The following RTL9 variants were observed in gnomAD, a reference collection of about 807,000 sequenced individuals.
The protein encoded by RTL9 is retrotransposon Gag like 9, also known as retrotransposon Gag-like protein 9.
RTL9 carries 19 observed loss-of-function variants against 44.7 expected under a neutral mutation model. That is an observed-to-expected ratio of 0.42 (90% confidence interval 0.30 to 0.62). The LOEUF (loss-of-function observed/expected upper bound fraction) is 0.62, where lower values mean the gene tolerates loss of function less well. Among genes scored for constraint, RTL9 ranks in the 20% least tolerant of loss-of-function variants. The pLI is 0.16. For missense variants in RTL9, 1,105 were observed against 1,080.6 expected (o/e 1.02, Z -0.32); for synonymous variants, 407 against 398.9 (o/e 1.02, Z -0.24).
In RTL9 at chrX:110,451,781, G is replaced by A. The variant is rs374873915; in HGVS notation, c.1164G>A (p.Pro388=). The A allele has an allele frequency of 3.8e-5, 46 of 1,209,679 alleles. No homozygotes were observed. In the South Asian group the frequency reaches 4.1e-4, roughly 11 times the overall value. The change falls in exon 1 of 2, where the codon CCG becomes CCA. Residue 388 remains proline, a synonymous_variant. Transcript: ENST00000540313. ...TAGACTCTGAAATGATGTCTAATCCGCCAGTGAGAGCAACAGCCTCTGGGG... is the reference window on the plus strand; with the variant it reads ...TAGACTCTGAAATGATGTCTAATCCACCAGTGAGAGCAACAGCCTCTGGGG...
chrX:110,443,101 C>A (rs895494088), intron 1 of RTL9, among the ~76,000 whole-genome samples: 3 of 111,997 alleles, frequency 2.7e-5, no homozygotes, highest in African/African-American at 9.8e-5. Context: ...GTGCCAGATT[C>A]TTTACACGTT....
chrX:110,385,524 T>A (rs1357673875), intron 1 of RTL9, among the ~76,000 whole-genome samples: 1 of 111,274 alleles, frequency 9.0e-6, no homozygotes, highest in African/African-American at 3.3e-5. Context: ...AAGCTCCCTC[T>A]CCCCCTTCCC....
chrX:110,388,146 C>T (rs1178137530), intron 1 of RTL9, among the ~76,000 whole-genome samples: 9 of 111,652 alleles, frequency 8.1e-5, no homozygotes. Flanking sequence ...GGATTACAGG[C>T]GTGAGCCACC....
At chrX:110,383,480 T>A (rs921931055) in intron 1 of RTL9, among the ~76,000 whole-genome samples, 2 of 111,299 alleles carry the variant, frequency 1.8e-5, no homozygotes, top group South Asian at 7.6e-4. Flanking sequence ...AGGTCCTCAC[T>A]TTCTTATTAC....
chrX:110,434,308 G>A (rs1255493358), intron 1 of RTL9, among the ~76,000 whole-genome samples: 1 of 111,525 alleles, frequency 9.0e-6, no homozygotes, highest in African/African-American at 3.3e-5. Flanking sequence ...AGCCACTGGA[G>A]CTTTTTATTA....
chrX:110,448,204 C>T (rs2068919070), upstream of RTL9, among the ~76,000 whole-genome samples: 1 of 110,854 alleles, frequency 9.0e-6, no homozygotes, highest in African/African-American at 3.3e-5. Context: ...TGTTTGCTTG[C>T]CAGCCCCCAC....
intron 1 of RTL9, among the ~76,000 whole-genome samples, chrX:110,380,876 G>A (rs1354422168): frequency 8.9e-6 from 1 of 112,394 alleles, no homozygotes; most frequent in Non-Finnish European, 1.9e-5. Flanking sequence ...ATGGTGCTGG[G>A]ATAACTGGCA....
At chrX:110,435,562 T>C (rs966119080) in intron 1 of RTL9, among the ~76,000 whole-genome samples, 4 of 112,037 alleles carry the variant, frequency 3.6e-5, no homozygotes, top group African/African-American at 6.5e-5. Context: ...ATGAGAGTTT[T>C]AGTTACATTC....
In RTL9 at chrX:110,372,289, A is replaced by G. The variant is rs2068344460; in HGVS notation, c.-168+13373A>G. The stretch of plus-strand genomic sequence containing the variant: ...ATTTGCTTTTTATTTCTTTCAAATT[A>G]TTTGATTTTAAAAGAAATGCCTACA... On this transcript the variant is annotated intron_variant, in intron 1 of 2. Coordinates refer to the RTL9 transcript ENST00000520821. Among the ~76,000 whole-genome samples the G allele has an allele frequency of 6.2e-5, 7 of 112,725 alleles. No individual in the cohort carries two copies. The South Asian group carries it at 2.5e-3, about 41-fold the overall frequency.
intron 1 of RTL9, among the ~76,000 whole-genome samples, chrX:110,384,172 A>G (rs991380395): frequency 2.2e-4 from 24 of 111,389 alleles, no homozygotes; most frequent in Non-Finnish European, 4.0e-4. Flanking sequence ...CTTGTCTTCC[A>G]AGCTGGTTTA....
At chrX:110,452,886 C>T in exon 1 of RTL9, 1 of 1,211,513 alleles carries the variant, frequency 8.3e-7, no homozygotes. Flanking sequence ...GATGTCCACA[C>T]CAACAGTGAG....
upstream of RTL9, among the ~76,000 whole-genome samples, chrX:110,417,414 G>A (rs1029567779): frequency 8.9e-6 from 1 of 112,640 alleles, no homozygotes; most frequent in Non-Finnish European, 1.9e-5. Flanking sequence ...GCAAAGATAA[G>A]TAAAATATTG....
At chrX:110,450,333 T>C (rs2068931510), upstream of RTL9, among the ~76,000 whole-genome samples, 1 of 111,559 alleles carries the variant, frequency 9.0e-6, no homozygotes, top group African/African-American at 3.3e-5. Flanking sequence ...CTGGCGTTTA[T>C]AGCATTTACA....
chrX:110,437,221 G>T (rs187794996), intron 1 of RTL9, among the ~76,000 whole-genome samples: 1 of 111,993 alleles, frequency 8.9e-6, no homozygotes, highest in African/African-American at 3.2e-5. Flanking sequence ...CCTGACCCCT[G>T]CAGTTGTGAG....
chrX:110,386,437 A>G (rs978278397), intron 1 of RTL9, among the ~76,000 whole-genome samples: 33 of 110,447 alleles, frequency 3.0e-4, no homozygotes, highest in Non-Finnish European at 6.2e-4. Flanking sequence ...TCTGATGGTT[A>G]ATGAGGTTGA....
At chrX:110,445,723 TC>T (rs1435028065), upstream of RTL9, among the ~76,000 whole-genome samples, 1 of 112,213 alleles carries the variant, frequency 8.9e-6, no homozygotes, top group Non-Finnish European at 1.9e-5. Context: ...TATTCTTATT[TC>T]CCTGAGCAGC....
exon 1 of RTL9, chrX:110,451,799 C>T: frequency 8.3e-7 from 1 of 1,211,828 alleles, no homozygotes; most frequent in Non-Finnish European, 1.1e-6. Context: ...GAGCAACAGC[C>T]TCTGGGGTGA....
At chrX:110,367,820 T>A (rs1426715085) in intron 1 of RTL9, among the ~76,000 whole-genome samples, 2 of 109,636 alleles carry the variant, frequency 1.8e-5, no homozygotes, top group African/African-American at 6.6e-5. Context: ...AAAAATTTAT[T>A]TGTTTAGAAA....
intron 1 of RTL9, among the ~76,000 whole-genome samples, chrX:110,413,142 A>C (rs2068652811): frequency 9.2e-6 from 1 of 108,120 alleles, no homozygotes; most frequent in African/African-American, 3.4e-5. Context: ...CGACTCATCC[A>C]CCTCCCCACT....
Sources: gnomAD v4.1 joint callset for allele counts (sites outside exome capture counted in the v4.1 genomes callset) on GRCh38, gnomAD v4.1.1 for gene constraint, MANE v1.5 for transcripts, NCBI Gene and HGNC (gene_info 2026-07-23, HGNC 2026-07-21) for gene names.